The following MELK variants were observed in gnomAD, a reference collection of about 807,000 sequenced individuals.
MELK encodes the protein maternal embryonic leucine zipper kinase, also known as pEg3 kinase.
Under a neutral mutation model 85.0 loss-of-function variants are expected in MELK, and 81 were observed. That is an observed-to-expected ratio of 0.95 (90% CI 0.80 to 1.15). The LOEUF (loss-of-function observed/expected upper bound fraction) is 1.15, where lower values mean the gene tolerates loss of function less well. Ranked by LOEUF, MELK falls within the 50% of genes most tolerant of loss-of-function variation. The pLI is 0.00. For missense variants in MELK, 754 were observed against 777.5 expected (o/e 0.97, Z 0.36); for synonymous variants, 252 against 265.0 (o/e 0.95, Z 0.48).
chr9:36,677,497 T>A lies in MELK; in HGVS notation c.*160T>A. 1 of 581,388 alleles carries A rather than the reference T, an allele frequency of 1.7e-6. No homozygotes were observed. The highest frequency in any genetic ancestry group is 3.8e-5 in the South Asian group (1 of 26,202). The allele number at this position is 581,388 out of a possible 1,614,324, so 36.0% of individuals were successfully genotyped here. A position where few individuals can be genotyped will look rare whatever the true frequency, so the allele number is the denominator to read the frequency against. On this transcript the variant is annotated 3_prime_UTR_variant, in exon 18 of 18. Transcript: ENST00000298048. Reference sequence around the variant, plus strand: ...CTCTTTGTTTTTAAACAAAAGATATTATTTTGTGTATGAATCTAAATCAAG... The same window carrying A: ...CTCTTTGTTTTTAAACAAAAGATATAATTTTGTGTATGAATCTAAATCAAG...
At chr9:36,588,620 C>G (rs1468207929) in intron 3 of MELK, among the ~76,000 whole-genome samples, 1 of 152,108 alleles carries the variant, frequency 6.6e-6, no homozygotes, top group African/African-American at 2.4e-5. Flanking sequence ...CTCAGGTAGT[C>G]CGCCCACCTT....
intron 1 of MELK, among the ~76,000 whole-genome samples, chr9:36,574,632 C>A: frequency 6.6e-6 from 1 of 151,850 alleles, no homozygotes; most frequent in Non-Finnish European, 1.5e-5. Context: ...ACCCAAAAAA[C>A]CATTCTGTAT....
intron 7 of MELK, among the ~76,000 whole-genome samples, chr9:36,604,987 C>T (rs1021697452): frequency 3.3e-5 from 5 of 151,730 alleles, no homozygotes; most frequent in Admixed American, 6.6e-5. Context: ...TTGCTCTTGT[C>T]CCCCAGGCTG....
rs572431767 is a variant in MELK at position 36,666,911 on chromosome 9, G to A, written c.1408+1330G>A. On this transcript the variant is annotated intron_variant, in intron 14 of 17. Coordinates refer to ENST00000298048, the MANE Select transcript of MELK (RefSeq NM_014791.4). ...TGTGTGTGTGTGTGTGTGTGTGATG[G>A]TGTGTGTGTGGGGGGGTGCGGTGGC... Among the ~76,000 whole-genome samples the A allele has an allele frequency of 2.4e-4, 36 of 148,746 alleles. 1 individual carries two copies. The highest frequency in any genetic ancestry group is 1.9e-3 in the Admixed American group (29 of 14,958).
chr9:36,652,042 A>ATTTTTTTT (rs11465173), intron 12 of MELK, among the ~76,000 whole-genome samples, 165 bp downstream of exon 12: 11 of 91,388 alleles, frequency 1.2e-4, no homozygotes, highest in Non-Finnish European at 1.8e-4. Context: ...TTGAACTCTA[A>ATTTTTTTT]TTTTTTTTTT....
rs1051439375 is a variant in MELK at position 36,588,299 on chromosome 9, A to G, written c.145-1237A>G. Among the ~76,000 whole-genome samples the G allele has an allele frequency of 2.2e-4, 32 of 148,742 alleles. 1 individual carries two copies. Among genetic ancestry groups the G allele is most frequent in the Admixed American group, 8.7e-4 (13 of 14,984 alleles). On this transcript the variant is annotated intron_variant, in intron 3 of 17. Transcript: ENST00000298048. ...TGGCCAGGATGGTCCTGAACTCCTG[A>G]CCTCAGTTGATCTGCCCACCTTGGC... is the stretch of plus-strand genomic sequence containing the variant.
At chr9:36,576,045 A>G (rs570422180) in intron 1 of MELK, among the ~76,000 whole-genome samples, 1 of 152,196 alleles carries the variant, frequency 6.6e-6, no homozygotes, top group African/African-American at 2.4e-5. Context: ...TTATCCCCAC[A>G]TTTGCCCCAC....
intron 8 of MELK, among the ~76,000 whole-genome samples, chr9:36,624,962 C>A (rs965365935): frequency 1.3e-5 from 2 of 152,048 alleles, no homozygotes; most frequent in Admixed American, 1.3e-4. Context: ...TGATGTGAAG[C>A]AGCTAAACCC....
intron 8 of MELK, among the ~76,000 whole-genome samples, chr9:36,628,461 G>T (rs1217959913): frequency 6.6e-6 from 1 of 151,546 alleles, no homozygotes; most frequent in Admixed American, 6.6e-5. Flanking sequence ...TGCTGTATTG[G>T]CAGGCTGGAG....
In MELK at chr9:36,677,329, A is replaced by G; in HGVS notation, c.1948A>G (p.Lys650Glu). 6.2e-7 allele frequency: 1 copy of G among 1,612,142 alleles called. No homozygotes were observed. The highest frequency in any genetic ancestry group is 8.5e-7 in the Non-Finnish European group (1 of 1,178,968). ...RLVEDILSSC[K>E]V ...AGTGGAAGACATCCTATCTAGCTGC[A>G]AGGTATAATTGATGGATTCTTCCAT... The change falls in exon 18 of 18, where the codon AAG (lysine) becomes GAG (glutamate). Residue 650 changes from lysine to glutamate, a missense_variant. Transcript: ENST00000298048.
At chr9:36,627,525 T>TCTC (rs1554726114) in intron 8 of MELK, among the ~76,000 whole-genome samples, 304 of 86,432 alleles carry the variant, frequency 3.5e-3, no homozygotes, top group African/African-American at 0.017. Flanking sequence ...TCTCTCTCTC[T>TCTC]TTTTTTTTTT....
At chr9:36,609,026 T>C (rs746009889) in intron 8 of MELK, among the ~76,000 whole-genome samples, 1 of 152,236 alleles carries the variant, frequency 6.6e-6, no homozygotes, top group African/African-American at 2.4e-5. Context: ...AAATTTTGGC[T>C]TCAGGTTATA....
chr9:36,609,497 AAGT>A (rs1825888504), intron 8 of MELK, among the ~76,000 whole-genome samples: 1 of 147,210 alleles, frequency 6.8e-6, no homozygotes, highest in Non-Finnish European at 1.5e-5. Flanking sequence ...ACCCAGGCTG[AAGT>A]GCAGGAGTGC....
chr9:36,598,299 C>G (rs1824516911), intron 6 of MELK, among the ~76,000 whole-genome samples: 1 of 151,828 alleles, frequency 6.6e-6, no homozygotes, highest in African/African-American at 2.4e-5. Context: ...TGTGACAGAC[C>G]CTGTGAGCCT....
At chr9:36,591,299 G>A (rs1395914431) in intron 4 of MELK, among the ~76,000 whole-genome samples, 1 of 152,106 alleles carries the variant, frequency 6.6e-6, no homozygotes, top group Non-Finnish European at 1.5e-5. Context: ...AGGGCCAGGC[G>A]CAGGGGGTCA....
intron 13 of MELK, 79 bp downstream of exon 13, chr9:36,657,442 G>A (rs1831365574): frequency 6.9e-7 from 1 of 1,455,928 alleles, no homozygotes; most frequent in Non-Finnish European, 9.2e-7. Flanking sequence ...TGAAACCAAG[G>A]TGTGCTTGCA....
Position 36,665,348 on chromosome 9 carries a change from A to T in MELK, c.1177-2A>T. On this transcript the variant is annotated splice_acceptor_variant, in intron 13 of 17. Transcript: ENST00000298048. LOFTEE classifies it high-confidence loss of function. ...CTTTATCTAGTAACTTTTTTTTTCCAGTTTACCAAGTACTGGACAGAATCA... is the reference window on the plus strand; with the variant it reads ...CTTTATCTAGTAACTTTTTTTTTCCTGTTTACCAAGTACTGGACAGAATCA... The T allele has an allele frequency of 1.3e-6, 2 of 1,576,488 alleles. No individual in the cohort carries two copies. The highest frequency in any genetic ancestry group is 8.6e-7 in the Non-Finnish European group (1 of 1,162,366).
Position 36,657,226 on chromosome 9 carries a change from T to C in MELK, c.1054-15T>C, listed in dbSNP as rs776027796. On this transcript the variant is annotated splice_polypyrimidine_tract_variant and intron_variant, in intron 12 of 17. Coordinates refer to ENST00000298048, the MANE Select transcript of MELK (RefSeq NM_014791.4). ...GTACTGTCATCTTTAAGTTCTTCTG[T>C]CTTTCATTGAGTAGTCAAATAATTG... 188 of 1,603,354 alleles carry C rather than the reference T, an allele frequency of 1.2e-4. No individual in the cohort carries two copies. The highest frequency in any genetic ancestry group is 1.5e-4 in the Non-Finnish European group (172 of 1,176,934).
chr9:36,622,428 T>G (rs1417582619), intron 8 of MELK, among the ~76,000 whole-genome samples: 1 of 152,244 alleles, frequency 6.6e-6, no homozygotes, highest in Admixed American at 6.5e-5. Flanking sequence ...ACGCACCGTA[T>G]GTAACTCTTG....
Sources: allele counts gnomAD v4.1 joint callset (sites outside exome capture counted in the v4.1 genomes callset), GRCh38; gene constraint gnomAD v4.1.1; transcripts MANE v1.5; gene names NCBI Gene and HGNC (gene_info 2026-07-23, HGNC 2026-07-21).